Variants in DLG2 observed in about 807,000 individuals in gnomAD.
DLG2 encodes the protein discs large MAGUK scaffold protein 2, also known as disks large homolog 2.
Under a neutral mutation model 132.5 loss-of-function variants are expected in DLG2, and 45 were observed. The ratio of observed to expected loss-of-function variants is 0.34; its 90% CI spans 0.27 to 0.44. The LOEUF (loss-of-function observed/expected upper bound fraction) is 0.44. DLG2 is among the 20% of genes least tolerant of loss of function. The pLI is 1.00. For synonymous variants in DLG2, 424 were observed against 419.6 expected (o/e 1.01, Z -0.13); for missense variants, 1,045 against 1,196.9 (o/e 0.87, Z 1.87).
At chr11:83,840,413 C>G (rs7124129) in intron 16 of DLG2, among the ~76,000 whole-genome samples, 1 of 151,988 alleles carries the variant, frequency 6.6e-6, no homozygotes, top group Non-Finnish European at 1.5e-5. Context: ...ATTAATTACA[C>G]GAATGTCTTT....
At chr11:84,176,142 G>A (rs1197040238) in intron 8 of DLG2, among the ~76,000 whole-genome samples, 1 of 151,510 alleles carries the variant, frequency 6.6e-6, no homozygotes, top group Non-Finnish European at 1.5e-5. Context: ...GTTACCTGAT[G>A]GTTCACTTAC....
At chr11:83,735,945 A>G (rs542877950) in intron 18 of DLG2, among the ~76,000 whole-genome samples, 1 of 152,332 alleles carries the variant, frequency 6.6e-6, no homozygotes, top group East Asian at 1.9e-4. Context: ...TACTAACTCC[A>G]GCAACATCCA....
chr11:84,252,140 C>CTTTTTTTTTTTTTTTTTTTTT (rs1176873990), intron 7 of DLG2, among the ~76,000 whole-genome samples: 2 of 65,340 alleles, frequency 3.1e-5, no homozygotes, highest in Non-Finnish European at 5.4e-5. Context: ...TTCTTTCTTT[C>CTTTTTTTTTTTTTTTTTTTTT]TTTTTTTTTT....
intron 3 of DLG2, among the ~76,000 whole-genome samples, chr11:85,493,177 G>A (rs914309629): frequency 2.0e-5 from 3 of 152,112 alleles, no homozygotes; most frequent in African/African-American, 7.2e-5. Context: ...AGGTTTATAT[G>A]GTAGTAGTAC....
At chr11:84,629,920 G>A (rs1297998172) in intron 6 of DLG2, among the ~76,000 whole-genome samples, 1 of 152,108 alleles carries the variant, frequency 6.6e-6, no homozygotes, top group Non-Finnish European at 1.5e-5. Context: ...ATTTTTACAA[G>A]AGACAGCATC....
chr11:83,482,633 C>A (rs1236940149), intron 22 of DLG2, among the ~76,000 whole-genome samples: 7 of 151,684 alleles, frequency 4.6e-5, no homozygotes, highest in African/African-American at 7.3e-5. Context: ...TATTACATAT[C>A]CAAACTTTAA....
chr11:85,109,055 C>A (rs1470792079), intron 6 of DLG2, among the ~76,000 whole-genome samples: 1 of 82,916 alleles, frequency 1.2e-5, no homozygotes, highest in Non-Finnish European at 2.2e-5. Context: ...ATTTCAAATT[C>A]CCAGGAAAAA....
chr11:84,730,159 T>C (rs1377115942), intron 6 of DLG2, among the ~76,000 whole-genome samples: 1 of 152,012 alleles, frequency 6.6e-6, no homozygotes, highest in Non-Finnish European at 1.5e-5. Context: ...GATGTCAATG[T>C]TGAAATGATA....
At position 83,980,517 on chromosome 11, in the gene DLG2, T is replaced by C; in HGVS notation, c.1045A>G (p.Arg349Gly). The C allele has an allele frequency of 6.2e-7, 1 of 1,613,310 alleles. No homozygotes were observed. Among genetic ancestry groups the C allele is most frequent in the South Asian group, 1.1e-5 (1 of 90,980 alleles). ...GGAGTCACACTCACCATTAGTAGTC[T>C]ATCTCCTACTTGCAACCTTCCATCT... ...QKDGRLQVGD[R>G]LLMVNNYSLE... The change falls in exon 12 of 28, where the codon AGA becomes GGA. Residue 349 changes from arginine (R) to glycine (G), a missense_variant. Arg to Gly is a moderately radical substitution (Grantham distance 125). This residue lies in a region of DLG2 where 261 missense variants were observed against 256.1 expected (regional missense o/e 1.02). Coordinates refer to ENST00000376104, the MANE Select transcript of DLG2 (RefSeq NM_001142699.3).
chr11:85,565,086 T>C (rs1397552465), intron 3 of DLG2, among the ~76,000 whole-genome samples: 1 of 152,114 alleles, frequency 6.6e-6, no homozygotes, highest in Non-Finnish European at 1.5e-5. Flanking sequence ...CCTGTGATGT[T>C]TCTAAACTCA....
chr11:84,965,916 T>C (rs966060432), intron 6 of DLG2, among the ~76,000 whole-genome samples: 1 of 152,106 alleles, frequency 6.6e-6, no homozygotes, highest in Non-Finnish European at 1.5e-5. Flanking sequence ...ATACGAGTCT[T>C]CTAAATAAGG....
At chr11:84,003,299 A>G (rs183199205) in intron 11 of DLG2, among the ~76,000 whole-genome samples, 1 of 152,116 alleles carries the variant, frequency 6.6e-6, no homozygotes, top group East Asian at 1.9e-4. Context: ...AGCCCTCAAA[A>G]CTTTTCCAAC....
intron 6 of DLG2, among the ~76,000 whole-genome samples, chr11:84,749,699 T>A (rs2065857226): frequency 6.6e-6 from 1 of 152,162 alleles, no homozygotes; most frequent in African/African-American, 2.4e-5. Context: ...AAGTGATGCA[T>A]GGCTGTTTTT....
At position 83,668,867 on chromosome 11, in the gene DLG2, ATTT is replaced by A. The variant is rs10635194; in HGVS notation, c.1826-35545_1826-35543del. Among the ~76,000 whole-genome samples, 281 of 110,386 alleles carry A rather than the reference ATTT, an allele frequency of 2.5e-3. 14 individuals carry two copies. Among genetic ancestry groups the A allele is most frequent in the African/African-American group, 9.5e-3 (267 of 28,182 alleles). 72.4% of individuals were successfully genotyped at this position (110,386 alleles called of 152,430 possible). On this transcript the variant is annotated intron_variant, in intron 18 of 27. Coordinates refer to ENST00000376104, the MANE Select transcript of DLG2 (RefSeq NM_001142699.3). Reference sequence around the variant, plus strand: ...CACACACACATATATATATATATATATTTTTTTTTTATGATAGACTATGAGCTT... The same window carrying A: ...CACACACACATATATATATATATATATTTTTTTATGATAGACTATGAGCTT...
intron 3 of DLG2, among the ~76,000 whole-genome samples, chr11:85,590,419 A>C (rs765318865): frequency 5.9e-5 from 9 of 152,316 alleles, no homozygotes; most frequent in Non-Finnish European, 1.3e-4. Context: ...AGAAAATATT[A>C]AGAAGTTTTT....
chr11:84,898,744 C>T (rs902063181), intron 6 of DLG2, among the ~76,000 whole-genome samples: 1 of 151,894 alleles, frequency 6.6e-6, no homozygotes, highest in Non-Finnish European at 1.5e-5. Flanking sequence ...CTTACCTTAC[C>T]TGCCTTTTCT....
chr11:84,549,882 T>C (rs948070782), intron 6 of DLG2, among the ~76,000 whole-genome samples: 1 of 152,006 alleles, frequency 6.6e-6, no homozygotes, highest in Non-Finnish European at 1.5e-5. Flanking sequence ...GACTCCTAAG[T>C]AGCTGAGATT....
chr11:84,422,903 C>T lies in DLG2; in HGVS notation c.519+111667G>A, dbSNP rs148699342. On this transcript the variant is annotated intron_variant, in intron 7 of 27. Coordinates refer to ENST00000376104, the MANE Select transcript of DLG2 (RefSeq NM_001142699.3). ...AAATTGTATTACTTGCAACAAAATG[C>T]TTAAACATCATGACTCTAGACCTAC... 5.3e-3 allele frequency among the ~76,000 whole-genome samples: 808 copies of T among 152,196 alleles called. 12 individuals are homozygous for T. The highest frequency in any genetic ancestry group is 0.018 in the African/African-American group (753 of 41,522).
chr11:84,101,025 C>A (rs1039517574), intron 9 of DLG2, among the ~76,000 whole-genome samples: 3 of 152,134 alleles, frequency 2.0e-5, no homozygotes, highest in African/African-American at 7.2e-5. Context: ...CCAGTGTTCA[C>A]TGAACAGAGT....
Sources: allele counts gnomAD v4.1 joint callset (sites outside exome capture counted in the v4.1 genomes callset), GRCh38; gene constraint gnomAD v4.1.1; regional missense constraint gnomAD v4.1.1; transcripts MANE v1.5; gene names NCBI Gene and HGNC (gene_info 2026-07-23, HGNC 2026-07-21).